The following XPNPEP1 variants were observed in gnomAD, a reference collection of about 807,000 sequenced individuals.
The protein encoded by XPNPEP1 is X-prolyl aminopeptidase 1.
XPNPEP1 carries 39 observed loss-of-function variants against 92.4 expected under a neutral mutation model. The observed-to-expected ratio is 0.42, with a 90% CI of 0.33 to 0.55. The LOEUF is 0.55. Ranked by LOEUF, XPNPEP1 falls within the 20% of genes least tolerant of loss-of-function variation. XPNPEP1 has a pLI of 0.08. For synonymous variants in XPNPEP1, 307 were observed against 299.4 expected, an observed-to-expected ratio of 1.03 and a Z score of -0.26; for missense variants, 654 against 856.1, an observed-to-expected ratio of 0.76 and a Z score of 2.95.
At chr10:109,906,237 G>A (rs1431943900) in intron 3 of XPNPEP1, among the ~76,000 whole-genome samples, 4 of 152,088 alleles carry the variant, frequency 2.6e-5, no homozygotes, top group Admixed American at 1.3e-4. Flanking sequence ...GAGTAACCAG[G>A]ACCATGCAGA....
intron 1 of XPNPEP1, among the ~76,000 whole-genome samples, chr10:109,920,649 G>A (rs1850487911): frequency 6.6e-6 from 1 of 151,956 alleles, no homozygotes; most frequent in African/African-American, 2.4e-5. Context: ...CAATTCTCCT[G>A]CCTCAATCTC....
Position 109,877,806 on chromosome 10 carries a change from C to T in XPNPEP1, c.1303G>A (p.Ala435Thr), listed in dbSNP as rs745596982. The T allele has an allele frequency of 5.0e-6, 8 of 1,614,222 alleles. No individual in the cohort carries two copies. The highest frequency in any genetic ancestry group is 1.1e-5 in the South Asian group (1 of 91,086). ...PTISSTGPNGAIIHYAPVPET... is the reference protein window; with the variant it reads ...PTISSTGPNGTIIHYAPVPET... ...ATGCCTTACGCGTAGTGAATGATGG[C>T]GCCGTTGGGTCCCGTACTGGAAATT... The change falls in exon 14 of 21, where the codon GCC becomes ACC. Residue 435 changes from alanine to threonine, a missense_variant. Physicochemically the swap from Ala to Thr is moderately conservative, Grantham distance 58. Transcript: ENST00000502935.
intron 2 of XPNPEP1, among the ~76,000 whole-genome samples, chr10:109,908,127 T>G (rs1357860110): frequency 1.3e-5 from 2 of 152,210 alleles, no homozygotes; most frequent in Non-Finnish European, 2.9e-5. Flanking sequence ...ACACAGAAAT[T>G]TAGGTGTTTA....
chr10:109,870,626 A>G, intron 18 of XPNPEP1, 105 bp downstream of exon 18: 2 of 1,427,326 alleles, frequency 1.4e-6, no homozygotes, highest in Non-Finnish European at 1.9e-6. Flanking sequence ...TGGAAGGGAA[A>G]AGTATTGCCA....
At chr10:109,873,712 G>C (rs1847616371) in intron 15 of XPNPEP1, 2 of 436,872 alleles carry the variant, frequency 4.6e-6, no homozygotes, top group South Asian at 6.4e-5. Flanking sequence ...ATAATAGCCA[G>C]AAGATGGAAA....
In XPNPEP1 at chr10:109,912,079, C is replaced by T. The variant is rs186880226; in HGVS notation, c.121+2932G>A. 4.3e-4 allele frequency among the ~76,000 whole-genome samples: 65 copies of T among 152,324 alleles called. 1 individual carries two copies. Among genetic ancestry groups the T allele is most frequent in the Admixed American group, 4.0e-3 (61 of 15,306 alleles). The stretch of plus-strand genomic sequence containing the variant: ...TGCCTCCTCATTCCCACATTCTGAT[C>T]TTCATCACTACCACCATCACATCAT... On this transcript the variant is annotated intron_variant, in intron 2 of 20. Transcript: ENST00000502935.
chr10:109,922,949 T>C (rs1489392206), intron 1 of XPNPEP1, among the ~76,000 whole-genome samples: 1 of 151,826 alleles, frequency 6.6e-6, no homozygotes, highest in African/African-American at 2.4e-5. Context: ...GACAGATCAG[T>C]AGAGTGAATT....
At chr10:109,922,050 G>A (rs889901246) in intron 1 of XPNPEP1, among the ~76,000 whole-genome samples, 4 of 152,134 alleles carry the variant, frequency 2.6e-5, no homozygotes, top group African/African-American at 2.4e-5. Flanking sequence ...TGGTGCTCCC[G>A]GATTCAGCCA....
chr10:109,882,477 C>G lies in XPNPEP1; in HGVS notation c.996G>C (p.Trp332Cys). ...CAGCATAGCTGGCCTTGTCACTGAC[C>G]CACACCTTCTCCCTTGGGGAGAGGT... ...CADLSPREKV[W>C]VSDKASYAVS... is the part of the protein sequence containing the mutation. The change falls in exon 10 of 21, where the codon TGG becomes TGC. Residue 332 changes from tryptophan to cysteine, a missense_variant. By Grantham distance (215) the Trp-to-Cys change is radical. Transcript: ENST00000502935. 1 of 1,614,156 alleles carries G rather than the reference C, an allele frequency of 6.2e-7. No individual in the cohort carries two copies. Among genetic ancestry groups the G allele is most frequent in the South Asian group, 1.1e-5 (1 of 91,070 alleles).
intron 7 of XPNPEP1, among the ~76,000 whole-genome samples, chr10:109,886,678 G>C (rs1010358368): frequency 7.1e-6 from 1 of 140,464 alleles, no homozygotes; most frequent in African/African-American, 2.5e-5. Context: ...TGTCTTCATG[G>C]GGCTTACAAT....
intron 9 of XPNPEP1, 99 bp downstream of exon 9, chr10:109,883,968 G>A: frequency 9.7e-7 from 1 of 1,027,038 alleles, no homozygotes; most frequent in Non-Finnish European, 1.4e-6. Context: ...GCACATCAGT[G>A]AAATATCAGG....
intron 8 of XPNPEP1, among the ~76,000 whole-genome samples, chr10:109,884,826 T>A (rs1050926589): frequency 6.6e-6 from 1 of 152,186 alleles, no homozygotes; most frequent in Non-Finnish European, 1.5e-5. Flanking sequence ...AGAGCACAGT[T>A]CTGGTCCCAG....
intron 3 of XPNPEP1, among the ~76,000 whole-genome samples, chr10:109,906,296 T>C (rs983997667): frequency 2.0e-5 from 3 of 152,160 alleles, no homozygotes; most frequent in South Asian, 2.1e-4. Context: ...GACTTTGAAT[T>C]TGGGGGATTA....
intron 2 of XPNPEP1, among the ~76,000 whole-genome samples, chr10:109,909,021 A>G (rs1849712006): frequency 1.3e-5 from 2 of 152,122 alleles, no homozygotes; most frequent in African/African-American, 4.8e-5. Context: ...CTGTAATCCC[A>G]GCACTTTGGG....
At chr10:109,910,141 G>A (rs774002773) in intron 2 of XPNPEP1, among the ~76,000 whole-genome samples, 12 of 152,010 alleles carry the variant, frequency 7.9e-5, no homozygotes, top group East Asian at 3.9e-4. Context: ...CCTCTAACCC[G>A]ACAATAACTG....
intron 1 of XPNPEP1, among the ~76,000 whole-genome samples, chr10:109,917,543 C>G (rs576502747): frequency 7.2e-5 from 11 of 152,274 alleles, no homozygotes; most frequent in African/African-American, 2.6e-4. Flanking sequence ...GGTAAGATGG[C>G]AGTAATTCCC....
At chr10:109,883,272 T>A (rs1254576230) in intron 9 of XPNPEP1, among the ~76,000 whole-genome samples, 15 of 152,010 alleles carry the variant, frequency 9.9e-5, no homozygotes, top group Admixed American at 9.8e-4. Flanking sequence ...CCAGAGTCTC[T>A]GAAAATGCTG....
chr10:109,923,114 C>G, intron 1 of XPNPEP1: 1 of 967,062 alleles, frequency 1.0e-6, no homozygotes, highest in Non-Finnish European at 1.2e-6. Flanking sequence ...TGACGGCCGC[C>G]GCCCCCTCAG....
intron 1 of XPNPEP1, among the ~76,000 whole-genome samples, chr10:109,915,799 G>A (rs1252471038): frequency 2.6e-5 from 4 of 152,132 alleles, no homozygotes; most frequent in African/African-American, 9.7e-5. Flanking sequence ...AGGCATGAAG[G>A]TCTATATCTG....
Sources: gnomAD v4.1 joint callset for allele counts (sites outside exome capture counted in the v4.1 genomes callset) on GRCh38, gnomAD v4.1.1 for gene constraint, MANE v1.5 for transcripts, NCBI Gene and HGNC (gene_info 2026-07-23, HGNC 2026-07-21) for gene names.